Variants in NAMPT observed in about 807,000 individuals in gnomAD.
NAMPT encodes nicotinamide phosphoribosyltransferase, also known as NAmPRTase.
Under a neutral mutation model 58.7 loss-of-function variants are expected in NAMPT, and 7 were observed. That is an observed-to-expected ratio of 0.12 (90% CI 0.07 to 0.22). NAMPT has a LOEUF of 0.22. Among genes scored for constraint, NAMPT ranks in the 10% least tolerant of loss-of-function variants. NAMPT has a pLI of 1.00. For missense variants in NAMPT, 271 were observed against 567.9 expected, an observed-to-expected ratio of 0.48 and a Z score of 5.31; for synonymous variants, 145 against 198.1, an observed-to-expected ratio of 0.73 and a Z score of 2.25.
intron 1 of NAMPT, among the ~76,000 whole-genome samples, chr7:106,278,410 G>C (rs1792693394): frequency 6.6e-6 from 1 of 152,082 alleles, no homozygotes; most frequent in Non-Finnish European, 1.5e-5. Context: ...TTTAAGTCAA[G>C]CAGGAGACTT....
intron 9 of NAMPT, 66 bp downstream of exon 9, chr7:106,254,298 A>G (rs755936894): frequency 1.6e-4 from 254 of 1,568,368 alleles, no homozygotes; most frequent in South Asian, 9.6e-4. Context: ...AATGCACTCA[A>G]TAACCACATT....
In NAMPT at chr7:106,248,946, G is replaced by C. The variant is rs1792062741; in HGVS notation, c.*2137C>G. Reference sequence around the variant, plus strand: ...ATTTATGGTTGTGAACAAAGAGATAGCTTTTTTCACTGCAAATTTCTAAAT... The same window carrying C: ...ATTTATGGTTGTGAACAAAGAGATACCTTTTTTCACTGCAAATTTCTAAAT... On this transcript the variant is annotated 3_prime_UTR_variant, in exon 11 of 11. Transcript: ENST00000222553. 6.6e-6 allele frequency: 1 copy of C among 152,046 alleles called. No individual in the cohort carries two copies. The highest frequency in any genetic ancestry group is 1.9e-4 in the East Asian group (1 of 5,190). The allele number at this position is 152,046 out of a possible 1,614,324, so 9.4% of individuals were successfully genotyped here. A position where few individuals can be genotyped will look rare whatever the true frequency, so the allele number is the denominator to read the frequency against.
upstream of NAMPT, chr7:106,285,377 C>T (rs891973490): frequency 2.2e-6 from 1 of 446,904 alleles, no homozygotes; most frequent in Non-Finnish European, 3.0e-6. Flanking sequence ...GCGTTCCCAG[C>T]TTTGCCAGTG....
At chr7:106,253,844 C>CT (rs1345584239) in intron 9 of NAMPT, among the ~76,000 whole-genome samples, 2 of 152,234 alleles carry the variant, frequency 1.3e-5, no homozygotes, top group East Asian at 3.9e-4. Flanking sequence ...TAGCATCCTC[C>CT]TGCCTCTGTC....
At chr7:106,253,747 A>G (rs1428888368) in intron 9 of NAMPT, 1 of 153,712 alleles carries the variant, frequency 6.5e-6, no homozygotes, top group Non-Finnish European at 1.4e-5. Flanking sequence ...GCAGTGGAAC[A>G]AGCAGCAACA....
At chr7:106,272,493 C>A in intron 4 of NAMPT, 37 bp downstream of exon 4, 1 of 1,547,854 alleles carries the variant, frequency 6.5e-7, no homozygotes, top group South Asian at 1.2e-5. Flanking sequence ...GGTCTTTATT[C>A]AATTAATGTT....
chr7:106,272,481 A>T, intron 4 of NAMPT, 49 bp downstream of exon 4: 1 of 1,510,900 alleles, frequency 6.6e-7, no homozygotes, highest in Non-Finnish European at 9.1e-7. Flanking sequence ...TCTCAGTTCA[A>T]TGGTCTTTAT....
rs1247461595 is a variant in NAMPT at position 106,271,467 on chromosome 7, T to TCTAA, written c.447+1059_447+1062dup. ...AGGCCCTTTAAGTAAAACATCTTACTCTAACTTCTGTGCCCAGCATTTTTT... is the reference window on the plus strand; with the variant it reads ...AGGCCCTTTAAGTAAAACATCTTACTCTAACTAACTTCTGTGCCCAGCATTTTTT... On this transcript the variant is annotated intron_variant, in intron 4 of 10. Transcript: ENST00000222553. 2.0e-5 allele frequency among the ~76,000 whole-genome samples: 3 copies of TCTAA among 152,234 alleles called. No individual in the cohort carries two copies. The East Asian group carries it at 5.8e-4, about 29-fold the overall frequency.
At chr7:106,276,560 C>A (rs1018483448) in intron 2 of NAMPT, 1 of 153,288 alleles carries the variant, frequency 6.5e-6, no homozygotes, top group African/African-American at 2.4e-5. Context: ...ACTTTTAGTT[C>A]GGCCAGGAGT....
upstream of NAMPT, chr7:106,285,347 G>C: frequency 1.3e-5 from 6 of 459,938 alleles, no homozygotes; most frequent in Non-Finnish European, 1.7e-5. Flanking sequence ...ACGGGCGCGG[G>C]AGGGCGGGGC....
rs1476074964 is a variant in NAMPT at position 106,263,607 on chromosome 7, C to T, written c.754G>A (p.Ala252Thr). The T allele has an allele frequency of 6.2e-7, 1 of 1,612,176 alleles. No homozygotes were observed. Among genetic ancestry groups the T allele is most frequent in the African/African-American group, 1.3e-5 (1 of 74,794 alleles). ...VPAAEHSTITAWGKDHEKDAF... is the reference protein window; with the variant it reads ...VPAAEHSTITTWGKDHEKDAF... The stretch of plus-strand genomic sequence containing the variant: ...TCTTTTTCATGGTCTTTCCCCCAAG[C>T]TGTTATGGTACTAGAAAAAAAAATG... The change falls in exon 7 of 11, where the codon GCT becomes ACT. Residue 252 changes from alanine (A) to threonine (T), a missense_variant. Coordinates refer to ENST00000222553, the MANE Select transcript of NAMPT (RefSeq NM_005746.3).
Position 106,284,942 on chromosome 7 carries a change from G to A in NAMPT, c.-58C>T. 1 of 1,553,376 alleles carries A rather than the reference G, an allele frequency of 6.4e-7. No homozygotes were observed. The highest frequency in any genetic ancestry group is 1.2e-5 in the South Asian group (1 of 84,506). ...AGCTCCCTGGCGCGGCTGCGAGGAAGGAGAAAAATGAGCTTCACCGCGCTC... is the reference window on the plus strand; with the variant it reads ...AGCTCCCTGGCGCGGCTGCGAGGAAAGAGAAAAATGAGCTTCACCGCGCTC... On this transcript the variant is annotated 5_prime_UTR_variant, in exon 1 of 11. Coordinates refer to ENST00000222553, the MANE Select transcript of NAMPT (RefSeq NM_005746.3).
rs992778353 is a variant in NAMPT, at chr7:106,254,243, A to G, written c.1230+121T>C. On this transcript the variant is annotated intron_variant, in intron 9 of 10. Coordinates refer to ENST00000222553, the MANE Select transcript of NAMPT (RefSeq NM_005746.3). ...TTGTTTCTGAGTTAAGGTCAGTAGT[A>G]CCCAACAACATATTAACAGTCCACG... 2.2e-5 allele frequency: 24 copies of G among 1,073,286 alleles called. No homozygotes were observed. The African/African-American group carries it at 3.7e-4, about 16-fold the overall frequency. 66.5% of individuals were successfully genotyped at this position (1,073,286 alleles called of 1,614,324 possible).
At chr7:106,281,609 C>T (rs1792766046) in intron 1 of NAMPT, among the ~76,000 whole-genome samples, 1 of 152,162 alleles carries the variant, frequency 6.6e-6, no homozygotes, top group Non-Finnish European at 1.5e-5. Flanking sequence ...AGCTAATGTG[C>T]TAGAAACAGC....
intron 6 of NAMPT, among the ~76,000 whole-genome samples, chr7:106,265,081 A>T (rs892476113): frequency 6.6e-6 from 1 of 152,154 alleles, no homozygotes; most frequent in Admixed American, 6.5e-5. Flanking sequence ...TATGATGTCA[A>T]TTCTCTACTT....
chr7:106,280,895 C>G (rs192299014), intron 1 of NAMPT, among the ~76,000 whole-genome samples: 1 of 151,152 alleles, frequency 6.6e-6, no homozygotes, highest in Non-Finnish European at 1.5e-5. Flanking sequence ...GAGCTGAGAT[C>G]GTGCCACTGC....
chr7:106,254,052 T>C (rs1180498581), intron 9 of NAMPT, among the ~76,000 whole-genome samples: 1 of 152,118 alleles, frequency 6.6e-6, no homozygotes, highest in African/African-American at 2.4e-5. Flanking sequence ...CTAGGTAAGC[T>C]GACATTCCTA....
In NAMPT at chr7:106,284,869, C is replaced by G; in HGVS notation, c.16G>C (p.Glu6Gln). The change falls in exon 1 of 11, where the codon GAA becomes CAA. Residue 6 changes from glutamate (E) to glutamine (Q), a missense_variant. This residue lies in a region of NAMPT where 23 missense variants were observed against 16.4 expected (regional missense o/e 1.40). Transcript: ENST00000222553. ...GCCAGGAGGATGTTGAACTCGGCTT[C>G]TGCCGCAGGATTCATCTCGGGCCGG... is the stretch of plus-strand genomic sequence containing the variant. MNPAA[E>Q]AEFNILLATD... The G allele has an allele frequency of 6.3e-7, 1 of 1,583,282 alleles. No individual in the cohort carries two copies. Among genetic ancestry groups the G allele is most frequent in the South Asian group, 1.1e-5 (1 of 87,024 alleles).
intron 1 of NAMPT, among the ~76,000 whole-genome samples, chr7:106,284,081 C>T (rs1438285609): frequency 6.6e-6 from 1 of 152,206 alleles, no homozygotes; most frequent in Non-Finnish European, 1.5e-5. Context: ...TCCTTTAAAT[C>T]CTCGTGTTTC....
Sources: allele counts gnomAD v4.1 joint callset (sites outside exome capture counted in the v4.1 genomes callset), GRCh38; gene constraint gnomAD v4.1.1; regional missense constraint gnomAD v4.1.1; transcripts MANE v1.5; gene names NCBI Gene and HGNC (gene_info 2026-07-23, HGNC 2026-07-21).